The following ALG9 variants were observed in gnomAD, a reference collection of about 807,000 sequenced individuals.
ALG9 encodes alpha-1,2-mannosyltransferase ALG9.
In ALG9, 55 loss-of-function variants were observed where a neutral mutation model predicts 81.8. The observed-to-expected ratio is 0.67, with a 90% CI of 0.54 to 0.84. ALG9 has a LOEUF of 0.84. Among genes scored for constraint, ALG9 ranks in the 40% least tolerant of loss-of-function variants. ALG9 has a pLI of 0.00. For synonymous variants in ALG9, 278 were observed against 274.3 expected, an observed-to-expected ratio of 1.01 and a Z score of -0.13; for missense variants, 629 against 745.0, an observed-to-expected ratio of 0.84 and a Z score of 1.81.
chr11:111,797,272 G>T (rs1948439288), intron 14 of ALG9, among the ~76,000 whole-genome samples: 2 of 152,178 alleles, frequency 1.3e-5, no homozygotes, highest in Non-Finnish European at 2.9e-5. Context: ...AAAAAATTAT[G>T]CAGGTCTTGA....
At chr11:111,844,782 G>A in intron 8 of ALG9, 59 bp from the exon 9 acceptor site, 1 of 1,568,374 alleles carries the variant, frequency 6.4e-7, no homozygotes, top group Non-Finnish European at 8.8e-7. Context: ...CTATTACGGT[G>A]CTTGACATAT....
Position 111,865,055 on chromosome 11 carries a change from G to C in ALG9, c.476+126C>G, listed in dbSNP as rs797039578. 2.5e-4 allele frequency: 170 copies of C among 682,218 alleles called. No homozygotes were observed. In the African/African-American group the frequency reaches 2.8e-3, roughly 11 times the overall value. The allele number at this position is 682,218 out of a possible 1,614,324, so 42.3% of individuals were successfully genotyped here. A position where few individuals can be genotyped will look rare whatever the true frequency, so the allele number is the denominator to read the frequency against. ...GCCTCCCAAAGTGCTGGGATTACAGGTGTGAGCCACCGCACCCGGTCAAGA... is the reference window on the plus strand; with the variant it reads ...GCCTCCCAAAGTGCTGGGATTACAGCTGTGAGCCACCGCACCCGGTCAAGA... On this transcript the variant is annotated intron_variant, in intron 4 of 14. Transcript: ENST00000616540.
At chr11:111,812,833 T>G (rs138180924) in intron 13 of ALG9, among the ~76,000 whole-genome samples, 1 of 143,028 alleles carries the variant, frequency 7.0e-6, no homozygotes, top group Admixed American at 7.6e-5. Flanking sequence ...AGGAAAATTC[T>G]TTGAACCCCG....
At chr11:111,830,990 G>C (rs1026549346) in intron 13 of ALG9, among the ~76,000 whole-genome samples, 1 of 152,150 alleles carries the variant, frequency 6.6e-6, no homozygotes, top group Admixed American at 6.5e-5. Context: ...GGGCAAGACA[G>C]TGAGGCCCTC....
downstream of ALG9, chr11:111,778,239 G>A (rs1945749874): frequency 6.6e-6 from 1 of 152,134 alleles, no homozygotes; most frequent in Non-Finnish European, 1.5e-5. Context: ...TATTCCTGAA[G>A]GGCAAGTCGG....
intron 14 of ALG9, among the ~76,000 whole-genome samples, chr11:111,798,804 C>T (rs782264591): frequency 3.9e-5 from 6 of 152,112 alleles, no homozygotes; most frequent in Non-Finnish European, 5.9e-5. Flanking sequence ...GGGACTAGAA[C>T]GTGTTGATTA....
rs1950460308 is a variant in ALG9, at chr11:111,809,891, TCAGA to T, written c.1603-122_1603-119del. 11 of 1,183,552 alleles carry T rather than the reference TCAGA, an allele frequency of 9.3e-6. No homozygotes were observed. In the South Asian group the frequency reaches 1.4e-4, roughly 15 times the overall value. 73.3% of individuals were successfully genotyped at this position (1,183,552 alleles called of 1,614,324 possible). A position where few individuals can be genotyped will look rare whatever the true frequency, so the allele number is the denominator to read the frequency against. On this transcript the variant is annotated intron_variant, in intron 13 of 14. Transcript: ENST00000616540. ...TTTGGAGGAACAAACATCCAAGTCT[TCAGA>T]CAATGTTGCCTATGCTCTCTCCACT...
chr11:111,788,579 C>T (rs1565571899), intron 14 of ALG9: 2 of 395,178 alleles, frequency 5.1e-6, no homozygotes, highest in Admixed American at 3.4e-5. Flanking sequence ...CCTGTGTTTA[C>T]AAAAAATGTT....
intron 4 of ALG9, 86 bp downstream of exon 4, chr11:111,865,095 A>T: frequency 8.8e-7 from 1 of 1,142,288 alleles, no homozygotes; most frequent in South Asian, 1.6e-5. Flanking sequence ...TCTATTTCTA[A>T]TCACTGCCTA....
chr11:111,789,710 C>G (rs1555068674), intron 14 of ALG9, among the ~76,000 whole-genome samples: 2 of 151,466 alleles, frequency 1.3e-5, no homozygotes, highest in Non-Finnish European at 2.9e-5. Flanking sequence ...ATCCCAGCTA[C>G]TCGGGACGCT....
intron 14 of ALG9, chr11:111,805,361 C>T: frequency 2.2e-6 from 1 of 455,196 alleles, no homozygotes; most frequent in South Asian, 1.6e-5. Context: ...AGTTTATGGT[C>T]ATTTGTTATA....
intron 14 of ALG9, among the ~76,000 whole-genome samples, chr11:111,805,570 C>T (rs977996139): frequency 6.6e-6 from 1 of 152,186 alleles, no homozygotes; most frequent in South Asian, 2.1e-4. Flanking sequence ...AGCCTATATG[C>T]TGTATGATTC....
At chr11:111,825,888 C>T (rs1005539929) in intron 13 of ALG9, among the ~76,000 whole-genome samples, 3 of 151,442 alleles carry the variant, frequency 2.0e-5, no homozygotes, top group African/African-American at 7.3e-5. Context: ...CATGGAGAAA[C>T]GCCATCTCTA....
At chr11:111,832,314 T>C (rs1271959231) in intron 13 of ALG9, among the ~76,000 whole-genome samples, 9 of 152,204 alleles carry the variant, frequency 5.9e-5, no homozygotes, top group Admixed American at 3.9e-4. Context: ...TCCTGCTATG[T>C]TGTCCAGGCT....
At chr11:111,841,103 T>C (rs578108717) in intron 9 of ALG9, among the ~76,000 whole-genome samples, 12 of 152,090 alleles carry the variant, frequency 7.9e-5, no homozygotes, top group Non-Finnish European at 1.6e-4. Flanking sequence ...AAATTCTACG[T>C]TAGATGAAGG....
At chr11:111,863,154 G>C (rs937353468) in intron 4 of ALG9, among the ~76,000 whole-genome samples, 1 of 151,916 alleles carries the variant, frequency 6.6e-6, no homozygotes, top group Non-Finnish European at 1.5e-5. Context: ...GGCAGATCAC[G>C]AAGTCAGGAG....
At chr11:111,813,592 T>C (rs781947530) in intron 13 of ALG9, among the ~76,000 whole-genome samples, 22 of 152,078 alleles carry the variant, frequency 1.4e-4, no homozygotes, top group Non-Finnish European at 8.8e-5. Context: ...TGAGAGAAGA[T>C]ATATGTAATA....
the ALG9 span, among the ~76,000 whole-genome samples, chr11:111,774,092 A>AC: frequency 6.7e-6 from 1 of 149,674 alleles, no homozygotes; most frequent in Non-Finnish European, 1.5e-5. Flanking sequence ...AAAAAAAAAA[A>AC]AGCAGCACGG....
intron 13 of ALG9, among the ~76,000 whole-genome samples, chr11:111,816,068 G>C (rs1241825005): frequency 2.0e-5 from 3 of 152,182 alleles, no homozygotes; most frequent in Non-Finnish European, 1.5e-5. Context: ...CTTGGTTTTA[G>C]GTTACATCTT....
Sources: allele counts gnomAD v4.1 joint callset (sites outside exome capture counted in the v4.1 genomes callset), GRCh38; gene constraint gnomAD v4.1.1; transcripts MANE v1.5; gene names NCBI Gene and HGNC (gene_info 2026-07-23, HGNC 2026-07-21).